Variants in NR5A2 observed in about 807,000 individuals in gnomAD.
NR5A2 encodes the protein CYP7A promoter-binding factor.
A neutral mutation model predicts 62.7 loss-of-function variants in NR5A2; 26 were observed. That is an observed-to-expected ratio of 0.41 (90% confidence interval 0.30 to 0.58). The LOEUF (loss-of-function observed/expected upper bound fraction) is 0.58. Ranked by LOEUF, NR5A2 falls within the 20% of genes least tolerant of loss-of-function variation. NR5A2 has a pLI of 0.22. For missense variants in NR5A2, 541 were observed against 669.1 expected (o/e 0.81, Z 2.11); for synonymous variants, 246 against 241.7 (o/e 1.02, Z -0.16).
intron 7 of NR5A2, among the ~76,000 whole-genome samples, chr1:200,138,732 T>C (rs1667328745): frequency 6.6e-6 from 1 of 152,196 alleles, no homozygotes; most frequent in South Asian, 2.1e-4. Flanking sequence ...TCTGTATATG[T>C]GTGGGTCTCT....
chr1:200,082,831 C>T (rs532413907), intron 5 of NR5A2, among the ~76,000 whole-genome samples: 1 of 152,194 alleles, frequency 6.6e-6, no homozygotes, highest in Admixed American at 6.5e-5. Flanking sequence ...TGTGCATCTA[C>T]AAAGGTCTTA....
intron 1 of NR5A2, among the ~76,000 whole-genome samples, chr1:200,028,292 A>T (rs1661418938): frequency 6.6e-6 from 1 of 152,144 alleles, no homozygotes; most frequent in Non-Finnish European, 1.5e-5. Context: ...ATCATTGATC[A>T]AACTTTAACA....
intron 5 of NR5A2, among the ~76,000 whole-genome samples, chr1:200,074,843 A>C (rs2102224078): frequency 6.7e-6 from 1 of 150,160 alleles, no homozygotes; most frequent in Non-Finnish European, 1.5e-5. Context: ...TTCTCCAAAT[A>C]TGGATATATT....
intron 7 of NR5A2, among the ~76,000 whole-genome samples, chr1:200,145,516 T>TG: frequency 7.8e-6 from 1 of 128,378 alleles, no homozygotes; most frequent in East Asian, 2.6e-4. Context: ...GTGTGTGTGT[T>TG]ATAAAGGTGA....
chr1:200,124,735 T>C (rs1666629223), intron 7 of NR5A2, among the ~76,000 whole-genome samples: 1 of 152,106 alleles, frequency 6.6e-6, no homozygotes, highest in Admixed American at 6.5e-5. Flanking sequence ...CCCCACGGGT[T>C]TGAGACCAGC....
intron 7 of NR5A2, among the ~76,000 whole-genome samples, chr1:200,163,794 A>G (rs1571579785): frequency 1.3e-5 from 2 of 152,154 alleles, no homozygotes. Context: ...AGTTTTTAAA[A>G]TTAGACAAAT....
chr1:200,156,450 T>TG (rs1300745628), intron 7 of NR5A2, among the ~76,000 whole-genome samples: 2 of 152,180 alleles, frequency 1.3e-5, no homozygotes, highest in African/African-American at 4.8e-5. Flanking sequence ...CAGGCTGGAG[T>TG]GCAGTGGCGT....
intron 5 of NR5A2, among the ~76,000 whole-genome samples, chr1:200,065,467 T>C (rs1318435510): frequency 6.6e-6 from 1 of 152,228 alleles, no homozygotes; most frequent in Non-Finnish European, 1.5e-5. Flanking sequence ...AACCTTGAAC[T>C]GATTTATTGC....
At chr1:200,120,771 T>C (rs779750721) in intron 6 of NR5A2, 37 bp from the exon 7 acceptor site, 83 of 1,506,906 alleles carry the variant, frequency 5.5e-5, no homozygotes, top group Non-Finnish European at 7.2e-5. Flanking sequence ...ATATTGCTGA[T>C]TCTGATAGTC....
intron 7 of NR5A2, among the ~76,000 whole-genome samples, chr1:200,133,535 AT>A (rs1456964591): frequency 0.078 from 3,421 of 43,696 alleles, 163 homozygotes; most frequent in African/African-American, 0.22. Context: ...ATACACACAC[AT>A]ATATATATAT....
intron 2 of NR5A2, 94 bp from the exon 3 acceptor site, chr1:200,043,680 T>C: frequency 1.5e-6 from 1 of 685,894 alleles, no homozygotes; most frequent in South Asian, 2.2e-5. Flanking sequence ...CATGTGATAT[T>C]TGCCCAGCAA....
chr1:200,095,840 C>A (rs536710464), intron 5 of NR5A2, among the ~76,000 whole-genome samples: 1 of 152,118 alleles, frequency 6.6e-6, no homozygotes. Flanking sequence ...GTGTGAGCCC[C>A]CGCGCCCGGC....
At chr1:200,107,038 C>T (rs892758653) in intron 5 of NR5A2, among the ~76,000 whole-genome samples, 9 of 152,006 alleles carry the variant, frequency 5.9e-5, no homozygotes, top group Non-Finnish European at 7.4e-5. Flanking sequence ...GCGGGGGCGG[C>T]GTTGGGTGTT....
chr1:200,047,919 C>T (rs1242462304), intron 4 of NR5A2, among the ~76,000 whole-genome samples: 1 of 152,086 alleles, frequency 6.6e-6, no homozygotes, highest in African/African-American at 2.4e-5. Flanking sequence ...TATGAACTCT[C>T]CTCCATCCAC....
At chr1:200,172,520 A>G (rs2690037) in intron 7 of NR5A2, among the ~76,000 whole-genome samples, 66,377 of 151,990 alleles carry the variant, frequency 0.44, 14,882 homozygotes, top group African/African-American at 0.54. Context: ...TGAAAGAGAT[A>G]TGGTACCAAC....
chr1:200,132,592 A>G (rs755712648), intron 7 of NR5A2, among the ~76,000 whole-genome samples: 2 of 152,208 alleles, frequency 1.3e-5, no homozygotes, highest in Non-Finnish European at 2.9e-5. Flanking sequence ...TCTCACAGCA[A>G]TCAGAGGCTT....
At chr1:200,116,667 A>C (rs1378525274) in intron 6 of NR5A2, among the ~76,000 whole-genome samples, 2 of 152,234 alleles carry the variant, frequency 1.3e-5, no homozygotes, top group African/African-American at 4.8e-5. Flanking sequence ...TGAATCAGGC[A>C]TCTACATAAA....
chr1:200,133,061 A>C (rs1667034976), intron 7 of NR5A2, among the ~76,000 whole-genome samples: 1 of 152,246 alleles, frequency 6.6e-6, no homozygotes, highest in African/African-American at 2.4e-5. Flanking sequence ...CACACGCAGG[A>C]AAAGAGCACA....
chr1:200,068,324 A>G (rs1331185981), intron 5 of NR5A2, among the ~76,000 whole-genome samples: 1 of 152,216 alleles, frequency 6.6e-6, no homozygotes, highest in Non-Finnish European at 1.5e-5. Flanking sequence ...TGTCATACAT[A>G]TCAGAATCAA....
Sources: allele counts gnomAD v4.1 joint callset (sites outside exome capture counted in the v4.1 genomes callset), GRCh38; gene constraint gnomAD v4.1.1; transcripts MANE v1.5; gene names NCBI Gene and HGNC (gene_info 2026-07-23, HGNC 2026-07-21).